The following B3GNT9 variants were observed in gnomAD, a reference collection of about 807,000 sequenced individuals.
B3GNT9 encodes UDP-GlcNAc:betaGal beta-1,3-N-acetylglucosaminyltransferase 9.
For synonymous variants in B3GNT9, 359 were observed against 283.9 expected, an observed-to-expected ratio of 1.26 and a Z score of -2.66; for missense variants, 669 against 599.2, an observed-to-expected ratio of 1.12 and a Z score of -1.22.
At position 67,150,479 on chromosome 16, in the gene B3GNT9, T is replaced by A; in HGVS notation, c.7A>T (p.Arg3Trp). 1.5e-6 allele frequency: 2 copies of A among 1,311,104 alleles called. No individual in the cohort carries two copies. The allele number at this position is 1,311,104 out of a possible 1,614,324, so 81.2% of individuals were successfully genotyped here. A position where few individuals can be genotyped will look rare whatever the true frequency, so the allele number is the denominator to read the frequency against. Reference protein sequence around the residue: MRRRLRLRRDALL... With the variant: MRWRLRLRRDALL... ...GCGTCCCTGCGTAGGCGCAGCCTCC[T>A]CCTCATCTCCGCGCGGCCTGCGCCC... Residue 3 changes from arginine to tryptophan, a missense_variant, in exon 2 of 2, where the codon AGG (arginine) becomes TGG (tryptophan). Arg to Trp is a moderately radical substitution (Grantham distance 101, BLOSUM62 -3). Coordinates refer to ENST00000449549, the MANE Select transcript of B3GNT9 (RefSeq NM_033309.3).
chr16:67,150,178 G>A lies in B3GNT9; in HGVS notation c.308C>T (p.Pro103Leu), dbSNP rs750270202. 6 of 1,556,050 alleles carry A rather than the reference G, an allele frequency of 3.9e-6. No homozygotes were observed. The highest frequency in any genetic ancestry group is 5.2e-6 in the Non-Finnish European group (6 of 1,154,732). Reference protein sequence around the residue: ...QRRFPLLINQPHKCRGDGAPG... With the variant: ...QRRFPLLINQLHKCRGDGAPG... ...TGCGCCGTCGCCGCGGCACTTGTGC[G>A]GCTGGTTAATGAGCAGTGGAAACCG... Residue 103 changes from proline (P) to leucine (L), a missense_variant, in exon 2 of 2, where the codon CCG becomes CTG. Pro to Leu is a moderately conservative substitution (Grantham distance 98). Transcript: ENST00000449549.
In B3GNT9 at chr16:67,149,835, A is replaced by C. The variant is rs745404495; in HGVS notation, c.651T>G (p.Ala217=). The change falls in exon 2 of 2, where the codon GCT becomes GCG. Residue 217 remains alanine, a synonymous_variant. Coordinates refer to ENST00000449549, the MANE Select transcript of B3GNT9 (RefSeq NM_033309.3). ...KEIHFLAWAS[A]FCPDVRFVFK... is the part of the protein sequence containing the mutation. ...AAACGAAGCGCACGTCGGGGCAGAAAGCTGAGGCCCAGGCTAGAAAGTGGA... is the reference window on the plus strand; with the variant it reads ...AAACGAAGCGCACGTCGGGGCAGAACGCTGAGGCCCAGGCTAGAAAGTGGA... 3.1e-6 allele frequency: 5 copies of C among 1,613,782 alleles called. No individual in the cohort carries two copies. In the South Asian group the frequency reaches 5.5e-5, roughly 18 times the overall value.
In B3GNT9 at chr16:67,150,591, G is replaced by C; in HGVS notation, c.-106C>G. ...GAGGGGGCGGGAGGCCACGCCCCGG[G>C]GGGGGCTCCAGCGACCGACGGTTGA... On this transcript the variant is annotated 5_prime_UTR_variant, in exon 2 of 2. Coordinates refer to ENST00000449549, the MANE Select transcript of B3GNT9 (RefSeq NM_033309.3). 2.0e-6 allele frequency: 2 copies of C among 997,510 alleles called. No homozygotes were observed. Among genetic ancestry groups the C allele is most frequent in the Non-Finnish European group, 2.6e-6 (2 of 771,642 alleles). The allele number at this position is 997,510 out of a possible 1,614,324, so 61.8% of individuals were successfully genotyped here.
In B3GNT9 at chr16:67,149,693, G is replaced by A. The variant is rs1274984720; in HGVS notation, c.793C>T (p.Arg265Cys). Residue 265 changes from arginine to cysteine, a missense_variant, in exon 2 of 2, where the codon CGC (arginine) becomes TGC (cysteine). By Grantham distance (180) the Arg-to-Cys change is radical (BLOSUM62 -3). Transcript: ENST00000449549. ...GDVIVHARPI[R>C]TRASKYYIPE... Reference sequence around the variant, plus strand: ...ATGTAGTACTTGCTAGCCCGCGTGCGGATGGGCCGCGCATGCACAATTACG... The same window carrying A: ...ATGTAGTACTTGCTAGCCCGCGTGCAGATGGGCCGCGCATGCACAATTACG... 1 of 1,612,276 alleles carries A rather than the reference G, an allele frequency of 6.2e-7. No homozygotes were observed. Among genetic ancestry groups the A allele is most frequent in the Non-Finnish European group, 8.5e-7 (1 of 1,179,294 alleles).
Position 67,150,517 on chromosome 16 carries a change from A to G in B3GNT9, c.-32T>C. 1 of 1,268,334 alleles carries G rather than the reference A, an allele frequency of 7.9e-7. No individual in the cohort carries two copies. Among genetic ancestry groups the G allele is most frequent in the Non-Finnish European group, 9.9e-7 (1 of 1,007,690 alleles). 78.6% of individuals were successfully genotyped at this position (1,268,334 alleles called of 1,614,324 possible). On this transcript the variant is annotated 5_prime_UTR_variant, in exon 2 of 2. Transcript: ENST00000449549. ...GCGGCCTGCGCCCTCCCTCCCCTGT[A>G]AGGGTCGCAGTCGGCAGCAGGGGGC...
In B3GNT9 at chr16:67,149,476, CG is replaced by C; in HGVS notation, c.1009del (p.Arg337AlafsTer14). ...RLTPEPHPAFRTFGIPQPSAA... is the reference protein window; with the variant it reads ...RLTPEPHPAFXTFGIPQPSAA... ...TGAAGGCTGGGGGATGCCAAAGGTG[CG>C]GAAGGCAGGGTGAGGCTCGGGCGTG... is the stretch of plus-strand genomic sequence containing the variant. On this transcript the variant is annotated frameshift_variant, in exon 2 of 2. Coordinates refer to ENST00000449549, the MANE Select transcript of B3GNT9 (RefSeq NM_033309.3). LOFTEE classifies it low-confidence loss of function (END_TRUNC). The C allele has an allele frequency of 6.2e-7, 1 of 1,608,398 alleles. No homozygotes were observed. Among genetic ancestry groups the C allele is most frequent in the Non-Finnish European group, 8.5e-7 (1 of 1,177,514 alleles).
In B3GNT9 at chr16:67,150,441, C is replaced by T. The variant is rs1222413041; in HGVS notation, c.45G>A (p.Leu15=). 1 of 1,347,906 alleles carries T rather than the reference C, an allele frequency of 7.4e-7. No homozygotes were observed. Among genetic ancestry groups the T allele is most frequent in the South Asian group, 2.0e-5 (1 of 48,912 alleles). The allele number at this position is 1,347,906 out of a possible 1,614,324, so 83.5% of individuals were successfully genotyped here. ...AGAGGCCCAGGGAGGCGCCAAGGAG[C>T]AGCGTGAGCAATGCGTCCCTGCGTA... ...LRLRRDALLT[L]LLGASLGLLL... is the part of the protein sequence containing the mutation. The change falls in exon 2 of 2, where the codon CTG becomes CTA. Residue 15 remains leucine (L), a synonymous_variant. Coordinates refer to ENST00000449549, the MANE Select transcript of B3GNT9 (RefSeq NM_033309.3).
chr16:67,149,367 C>G lies in B3GNT9; in HGVS notation c.1119G>C (p.Trp373Cys), dbSNP rs2145902610. ...VVHGLSAADI[W>C]LMWRLLHGPH... ...GCCCGTGCAGCAGGCGCCACATAAG[C>G]CAGATGTCAGCGGCCGAGAGCCCGT... Residue 373 changes from tryptophan (W) to cysteine (C), a missense_variant, in exon 2 of 2, where the codon TGG becomes TGC. By Grantham distance (215) the Trp-to-Cys change is radical (BLOSUM62 -2). Transcript: ENST00000449549. 1 of 1,603,432 alleles carries G rather than the reference C, an allele frequency of 6.2e-7. No homozygotes were observed. Among genetic ancestry groups the G allele is most frequent in the Non-Finnish European group, 8.5e-7 (1 of 1,175,320 alleles).
Position 67,148,221 on chromosome 16 carries a change from C to T in B3GNT9, c.*1056G>A, listed in dbSNP as rs2030272626. The T allele has an allele frequency of 6.6e-6, 1 of 152,622 alleles. No individual in the cohort carries two copies. Among genetic ancestry groups the T allele is most frequent in the Non-Finnish European group, 1.5e-5 (1 of 68,054 alleles). The allele number at this position is 152,622 out of a possible 1,614,324, so 9.5% of individuals were successfully genotyped here. A position where few individuals can be genotyped will look rare whatever the true frequency, so the allele number is the denominator to read the frequency against. On this transcript the variant is annotated 3_prime_UTR_variant, in exon 2 of 2. Coordinates refer to ENST00000449549, the MANE Select transcript of B3GNT9 (RefSeq NM_033309.3). ...GTAAATATGACTCTTTTGTAATTAA[C>T]TCATGTACAGCCTCATCCTGTATAG...
At position 67,149,606 on chromosome 16, in the gene B3GNT9, G is replaced by T. The variant is rs747080674; in HGVS notation, c.880C>A (p.Leu294Ile). The T allele has an allele frequency of 3.1e-5, 50 of 1,598,486 alleles. No individual in the cohort carries two copies. The highest frequency in any genetic ancestry group is 2.5e-5 in the Non-Finnish European group (29 of 1,173,030). ...PAYAGGGGFV[L>I]SGATLHRLAG... ...AGGCGGTGCAGCGTGGCCCCGGAAA[G>T]CACAAAGCCACCGCCGCCCGCGTAG... Residue 294 changes from leucine to isoleucine, a missense_variant, in exon 2 of 2, where the codon CTT (leucine) becomes ATT (isoleucine). Leu to Ile is a conservative substitution (Grantham distance 5). Coordinates refer to ENST00000449549, the MANE Select transcript of B3GNT9 (RefSeq NM_033309.3).
chr16:67,150,447 G>A lies in B3GNT9; in HGVS notation c.39C>T (p.Leu13=), dbSNP rs745698986. 7.4e-7 allele frequency: 1 copy of A among 1,346,022 alleles called. No homozygotes were observed. Among genetic ancestry groups the A allele is most frequent in the Non-Finnish European group, 9.5e-7 (1 of 1,051,880 alleles). The allele number at this position is 1,346,022 out of a possible 1,614,324, so 83.4% of individuals were successfully genotyped here. A position where few individuals can be genotyped will look rare whatever the true frequency, so the allele number is the denominator to read the frequency against. The change falls in exon 2 of 2, where the codon CTC becomes CTT. Residue 13 remains leucine, a synonymous_variant. Coordinates refer to ENST00000449549, the MANE Select transcript of B3GNT9 (RefSeq NM_033309.3). ...CCAGGGAGGCGCCAAGGAGCAGCGT[G>A]AGCAATGCGTCCCTGCGTAGGCGCA... is the stretch of plus-strand genomic sequence containing the variant. ...RRLRLRRDAL[L]TLLLGASLGL...
rs2030442826 is a variant in B3GNT9, at chr16:67,150,565, TGAGGGGGCGG to T, written c.-90_-81del. On this transcript the variant is annotated 5_prime_UTR_variant, in exon 2 of 2. Transcript: ENST00000449549. ...GGCAGCGAGCCCCGCCCTCCCCAGC[TGAGGGGGCGG>T]GAGGCCACGCCCCGGGGGGGGCTCC... 2 of 1,181,098 alleles carry T rather than the reference TGAGGGGGCGG, an allele frequency of 1.7e-6. No homozygotes were observed. The highest frequency in any genetic ancestry group is 2.1e-6 in the Non-Finnish European group (2 of 939,318). The allele number at this position is 1,181,098 out of a possible 1,614,324, so 73.2% of individuals were successfully genotyped here.
Position 67,150,478 on chromosome 16 carries a change from C to G in B3GNT9, c.8G>C (p.Arg3Thr). Residue 3 changes from arginine (R) to threonine (T), a missense_variant, in exon 2 of 2, where the codon AGG (arginine) becomes ACG (threonine). Coordinates refer to ENST00000449549, the MANE Select transcript of B3GNT9 (RefSeq NM_033309.3). MR[R>T]RLRLRRDALL... Reference sequence around the variant, plus strand: ...TGCGTCCCTGCGTAGGCGCAGCCTCCTCCTCATCTCCGCGCGGCCTGCGCC... The same window carrying G: ...TGCGTCCCTGCGTAGGCGCAGCCTCGTCCTCATCTCCGCGCGGCCTGCGCC... The G allele has an allele frequency of 7.6e-7, 1 of 1,311,890 alleles. No individual in the cohort carries two copies. The highest frequency in any genetic ancestry group is 9.7e-7 in the Non-Finnish European group (1 of 1,032,046). 81.3% of individuals were successfully genotyped at this position (1,311,890 alleles called of 1,614,324 possible).
Position 67,149,158 on chromosome 16 carries a change from C to G in B3GNT9, c.*119G>C. 7.0e-7 allele frequency: 1 copy of G among 1,431,710 alleles called. No individual in the cohort carries two copies. The highest frequency in any genetic ancestry group is 9.2e-7 in the Non-Finnish European group (1 of 1,092,596). The allele number at this position is 1,431,710 out of a possible 1,614,324, so 88.7% of individuals were successfully genotyped here. A position where few individuals can be genotyped will look rare whatever the true frequency, so the allele number is the denominator to read the frequency against. ...CAGGAGCCAAGCTTAACCCCCATCC[C>G]CTGGGATCCTGTGGAGACAGGCACC... On this transcript the variant is annotated 3_prime_UTR_variant, in exon 2 of 2. Transcript: ENST00000449549.
Position 67,150,333 on chromosome 16 carries a change from G to T in B3GNT9, c.153C>A (p.Pro51=). The T allele has an allele frequency of 7.2e-7, 1 of 1,394,468 alleles. No homozygotes were observed. The highest frequency in any genetic ancestry group is 2.6e-4 in the Middle Eastern group (1 of 3,878). 86.4% of individuals were successfully genotyped at this position (1,394,468 alleles called of 1,614,324 possible). Residue 51 remains proline, a synonymous_variant, in exon 2 of 2, where the codon CCC becomes CCA. Coordinates refer to ENST00000449549, the MANE Select transcript of B3GNT9 (RefSeq NM_033309.3). The part of the protein sequence containing the change: ...GRGRAAPRPT[P]GPRAFQLPDA... The stretch of plus-strand genomic sequence containing the variant: ...CGGGTAACTGGAACGCGCGGGGTCC[G>T]GGGGTGGGCCTCGGTGCCGCCCTCC...
chr16:67,150,291 C>CG lies in B3GNT9; in HGVS notation c.194dup (p.Pro66AlafsTer18). 7.0e-7 allele frequency: 1 copy of CG among 1,428,980 alleles called. No homozygotes were observed. The highest frequency in any genetic ancestry group is 9.2e-7 in the Non-Finnish European group (1 of 1,086,376). The allele number at this position is 1,428,980 out of a possible 1,614,324, so 88.5% of individuals were successfully genotyped here. A position where few individuals can be genotyped will look rare whatever the true frequency, so the allele number is the denominator to read the frequency against. On this transcript the variant is annotated frameshift_variant, in exon 2 of 2. Coordinates refer to ENST00000449549, the MANE Select transcript of B3GNT9 (RefSeq NM_033309.3). LOFTEE classifies it low-confidence loss of function (END_TRUNC). ...CCGGTGTGTCCCCTTCGTAGGCCGG[C>CG]GGGGCTGCACCCGCGTCGGGTAACT... is the stretch of plus-strand genomic sequence containing the variant.
intron 1 of B3GNT9, 39 bp from the exon 2 acceptor site, chr16:67,150,710 C>T (rs1163926909): frequency 1.0e-5 from 4 of 389,340 alleles, no homozygotes; most frequent in Non-Finnish European, 1.8e-5. Flanking sequence ...GCCAACTCCC[C>T]CGCGGCCTCA....
rs946486824 is a variant in B3GNT9, at chr16:67,149,316, T to C, written c.1170A>G (p.Pro390=). The C allele has an allele frequency of 7.6e-6, 12 of 1,578,898 alleles. No individual in the cohort carries two copies. The highest frequency in any genetic ancestry group is 9.5e-6 in the Non-Finnish European group (11 of 1,161,072). ...HGPHGPACAH[P]QPVAAGPFQW... ...GGAAGGGGCCTGCAGCGACAGGCTGTGGATGCGCACAGGCTGGCCCATGCG... is the reference window on the plus strand; with the variant it reads ...GGAAGGGGCCTGCAGCGACAGGCTGCGGATGCGCACAGGCTGGCCCATGCG... Residue 390 remains proline, a synonymous_variant, in exon 2 of 2, where the codon CCA becomes CCG. Coordinates refer to ENST00000449549, the MANE Select transcript of B3GNT9 (RefSeq NM_033309.3).
In B3GNT9 at chr16:67,149,700, C is replaced by A; in HGVS notation, c.786G>T (p.Arg262=). 1.2e-6 allele frequency: 2 copies of A among 1,612,664 alleles called. No homozygotes were observed. Among genetic ancestry groups the A allele is most frequent in the East Asian group, 4.5e-5 (2 of 44,838 alleles). Residue 262 remains arginine, a synonymous_variant, in exon 2 of 2, where the codon CGG becomes CGT. Coordinates refer to ENST00000449549, the MANE Select transcript of B3GNT9 (RefSeq NM_033309.3). ...ACTTGCTAGCCCGCGTGCGGATGGG[C>A]CGCGCATGCACAATTACGTCACCAG... ...LLAGDVIVHA[R]PIRTRASKYY...
Sources: allele counts gnomAD v4.1 joint callset, GRCh38; gene constraint gnomAD v4.1.1; transcripts MANE v1.5; gene names NCBI Gene and HGNC (gene_info 2026-07-23, HGNC 2026-07-21).